Variants in UEVLD observed in about 807,000 individuals in gnomAD.
UEVLD encodes the protein UEV and lactate/malate dehyrogenase domains.
UEVLD carries 47 observed loss-of-function variants against 58.6 expected under a neutral mutation model. The ratio of observed to expected loss-of-function variants is 0.80; its 90% CI spans 0.63 to 1.02. The LOEUF is 1.02. Among genes scored for constraint, UEVLD ranks in the 50% least tolerant of loss-of-function variants. UEVLD has a pLI of 0.00. For missense variants in UEVLD, 510 were observed against 550.6 expected (o/e 0.93, Z 0.74); for synonymous variants, 197 against 195.3 (o/e 1.01, Z -0.07).
chr11:18,550,415 CAT>C (rs1266912931), intron 7 of UEVLD, among the ~76,000 whole-genome samples: 2 of 152,084 alleles, frequency 1.3e-5, no homozygotes, highest in Admixed American at 1.3e-4. Context: ...GCACTCACCA[CAT>C]GTTTGACAAA....
At chr11:18,536,760 T>G (rs1218630262) in intron 9 of UEVLD, 1 of 330,362 alleles carries the variant, frequency 3.0e-6, no homozygotes, top group Non-Finnish European at 5.7e-6. Flanking sequence ...ACTATCTAAG[T>G]AGAAACCTAT....
chr11:18,557,381 C>T (rs1039134818), intron 7 of UEVLD, among the ~76,000 whole-genome samples: 25 of 151,732 alleles, frequency 1.6e-4, no homozygotes, highest in Non-Finnish European at 2.9e-4. Flanking sequence ...CTCGATTTCC[C>T]GACCTCGTGA....
At chr11:18,532,758 C>T (rs887912802) in intron 11 of UEVLD, among the ~76,000 whole-genome samples, 5 of 152,172 alleles carry the variant, frequency 3.3e-5, no homozygotes, top group African/African-American at 1.2e-4. Flanking sequence ...AGCTAGCCCC[C>T]CCTGCAATAT....
intron 6 of UEVLD, chr11:18,563,975 A>C (rs981190366): frequency 6.7e-6 from 2 of 299,534 alleles, no homozygotes; most frequent in African/African-American, 2.3e-5. Context: ...ACTACACTCC[A>C]GCCTGGGTAA....
chr11:18,540,105 A>G (rs914895616), intron 9 of UEVLD, among the ~76,000 whole-genome samples: 1 of 152,220 alleles, frequency 6.6e-6, no homozygotes, highest in Non-Finnish European at 1.5e-5. Flanking sequence ...TAAATGCTCT[A>G]GATACATTAT....
intron 3 of UEVLD, among the ~76,000 whole-genome samples, chr11:18,571,272 A>G (rs535235575): frequency 1.3e-5 from 2 of 152,218 alleles, no homozygotes; most frequent in Admixed American, 1.3e-4. Flanking sequence ...GCTTGAACTC[A>G]GGAGGCATAG....
At chr11:18,574,352 G>A (rs998537142) in intron 3 of UEVLD, among the ~76,000 whole-genome samples, 2 of 152,092 alleles carry the variant, frequency 1.3e-5, no homozygotes, top group African/African-American at 2.4e-5. Flanking sequence ...TGGCCGGGCT[G>A]GTCTTGAACT....
chr11:18,575,026 G>A lies in UEVLD; in HGVS notation c.193+321C>T, dbSNP rs898825273. Among the ~76,000 whole-genome samples, 3 of 152,122 alleles carry A rather than the reference G, an allele frequency of 2.0e-5. No homozygotes were observed. The East Asian group carries it at 5.8e-4, about 29-fold the overall frequency. On this transcript the variant is annotated intron_variant, in intron 3 of 11. Coordinates refer to ENST00000396197, the MANE Select transcript of UEVLD (RefSeq NM_001040697.4). ...GCTACCACAAAGAAGCACCTACTTT[G>A]AAAGAAGTCCCCCCAAAATACAGCT...
rs201246392 is a variant in UEVLD, at chr11:18,546,845, G to C, written c.886+35C>G. On this transcript the variant is annotated intron_variant, in intron 8 of 11. Coordinates refer to ENST00000396197, the MANE Select transcript of UEVLD (RefSeq NM_001040697.4). ...GTAATGGCAATTCTACTGATGTACT[G>C]GACCATCAACTTAATTTAAAATAAA... 8 of 1,607,272 alleles carry C rather than the reference G, an allele frequency of 5.0e-6. No individual in the cohort carries two copies. The East Asian group carries it at 1.8e-4, about 36-fold the overall frequency.
chr11:18,558,159 G>A (rs1020271732), intron 7 of UEVLD, 69 bp downstream of exon 7: 1 of 1,130,528 alleles, frequency 8.8e-7, no homozygotes, highest in Non-Finnish European at 1.3e-6. Context: ...GTGCTTTTCA[G>A]CATTAACATT....
Position 18,544,678 on chromosome 11 carries a change from C to T in UEVLD, c.1005G>A (p.Lys335=), listed in dbSNP as rs200336775. ...ATACTTCTTTGCCTGAAGTCTGTGC[C>T]TTCAAAACATTTGTAATAATATACT... The part of the protein sequence containing the change: ...RLQYIITNVL[K]AQTSGKEVWV... Residue 335 remains lysine (K), a synonymous_variant, in exon 9 of 12, where the codon AAG becomes AAA. Coordinates refer to ENST00000396197, the MANE Select transcript of UEVLD (RefSeq NM_001040697.4). 9.7e-5 allele frequency: 155 copies of T among 1,591,950 alleles called. No homozygotes were observed. Among genetic ancestry groups the T allele is most frequent in the Non-Finnish European group, 1.2e-4 (146 of 1,172,826 alleles).
At chr11:18,535,152 A>G (rs927247195) in intron 10 of UEVLD, among the ~76,000 whole-genome samples, 1 of 152,202 alleles carries the variant, frequency 6.6e-6, no homozygotes, top group African/African-American at 2.4e-5. Flanking sequence ...AGCATTGAAA[A>G]ACAATTTTTT....
chr11:18,581,965 T>C (rs2134069701), intron 1 of UEVLD, among the ~76,000 whole-genome samples: 1 of 152,296 alleles, frequency 6.6e-6, no homozygotes, highest in African/African-American at 2.4e-5. Flanking sequence ...GTATTAACTA[T>C]AACAGACTTG....
chr11:18,547,808 G>C (rs1473547962), intron 7 of UEVLD, among the ~76,000 whole-genome samples: 1 of 152,038 alleles, frequency 6.6e-6, no homozygotes, highest in East Asian at 1.9e-4. Context: ...TATAGCTCCA[G>C]GCCACTTACT....
intron 1 of UEVLD, 141 bp downstream of exon 1, chr11:18,588,472 A>G (rs2134089199): frequency 1.0e-6 from 1 of 992,780 alleles, no homozygotes; most frequent in Non-Finnish European, 1.4e-6. Context: ...GCCGCGCCCC[A>G]TAGCCGGTTT....
Position 18,547,024 on chromosome 11 carries a change from C to T in UEVLD, c.742G>A (p.Val248Met). 6.2e-7 allele frequency: 1 copy of T among 1,613,518 alleles called. No individual in the cohort carries two copies. The highest frequency in any genetic ancestry group is 8.5e-7 in the Non-Finnish European group (1 of 1,179,888). Reference sequence around the variant, plus strand: ...AAAGAGTTGACTGTGAAGATCACCACCTTGGAATGAGCAGAGGCAGACAAA... The same window carrying T: ...AAAGAGTTGACTGTGAAGATCACCATCTTGGAATGAGCAGAGGCAGACAAA... ...KDLSASAHSKVVIFTVNSLGS... is the reference protein window; with the variant it reads ...KDLSASAHSKMVIFTVNSLGS... The change falls in exon 8 of 12, where the codon GTG becomes ATG. Residue 248 changes from valine to methionine, a missense_variant. By Grantham distance (21) the Val-to-Met change is conservative. Coordinates refer to ENST00000396197, the MANE Select transcript of UEVLD (RefSeq NM_001040697.4).
intron 3 of UEVLD, 49 bp from the exon 4 acceptor site, chr11:18,570,426 CATT>C (rs769595899): frequency 4.8e-6 from 7 of 1,461,062 alleles, no homozygotes; most frequent in Non-Finnish European, 6.3e-6. Context: ...AAAGCACACA[CATT>C]ATGATATAGC....
intron 5 of UEVLD, among the ~76,000 whole-genome samples, chr11:18,565,610 C>T (rs888309928): frequency 6.6e-6 from 1 of 152,174 alleles, no homozygotes; most frequent in Admixed American, 6.5e-5. Context: ...GGGAGGATCA[C>T]CTGAGGTCAG....
At chr11:18,579,631 TC>T in intron 1 of UEVLD, 1 of 244,300 alleles carries the variant, frequency 4.1e-6, no homozygotes, top group Non-Finnish European at 6.6e-6. Context: ...TCTTCATTTA[TC>T]CAGATGTCTT....
Sources: gnomAD v4.1 joint callset for allele counts (sites outside exome capture counted in the v4.1 genomes callset) on GRCh38, gnomAD v4.1.1 for gene constraint, MANE v1.5 for transcripts, NCBI Gene and HGNC (gene_info 2026-07-23, HGNC 2026-07-21) for gene names.